The following ETFB variants were observed in gnomAD, a reference collection of about 807,000 sequenced individuals.
ETFB encodes the protein beta-ETF.
A neutral mutation model predicts 25.6 loss-of-function variants in ETFB; 20 were observed. That is an observed-to-expected ratio of 0.78 (90% CI 0.55 to 1.14). The LOEUF (loss-of-function observed/expected upper bound fraction) is 1.14, where lower values mean the gene tolerates loss of function less well. ETFB is among the 50% of genes most tolerant of loss of function. The pLI, the probability that ETFB is intolerant of heterozygous loss-of-function variation, is 0.00. For missense variants in ETFB, 286 were observed against 342.6 expected (o/e 0.83, Z 1.30); for synonymous variants, 142 against 146.7 (o/e 0.97, Z 0.23).
intron 1 of ETFB, among the ~76,000 whole-genome samples, chr19:51,363,497 G>C (rs1968240): frequency 0.3 from 45,934 of 151,796 alleles, 7,223 homozygotes; most frequent in South Asian, 0.46. Flanking sequence ...CACCCAGGCT[G>C]GAGTACAGGG....
rs769668781 is a variant in ETFB, at chr19:51,345,277, C to T, written c.702G>A (p.Thr234=). ...VISVEDPPQR[T]AGVKVETTED... The stretch of plus-strand genomic sequence containing the variant: ...CAGTGGTCTCCACCTTGACGCCGGC[C>T]GTGCGCTGGGGCGGGTCCTCCACAC... The change falls in exon 6 of 6, where the codon ACG becomes ACA. Residue 234 remains threonine, a synonymous_variant. Transcript: ENST00000309244. 13 of 1,614,062 alleles carry T rather than the reference C, an allele frequency of 8.1e-6. No homozygotes were observed. The highest frequency in any genetic ancestry group is 2.2e-5 in the South Asian group (2 of 91,086).
At chr19:51,362,395 T>C (rs1448284117) in intron 1 of ETFB, among the ~76,000 whole-genome samples, 2 of 151,942 alleles carry the variant, frequency 1.3e-5, no homozygotes, top group Non-Finnish European at 2.9e-5. Context: ...CTGGCTAACA[T>C]AGCAAAACCT....
intron 3 of ETFB, among the ~76,000 whole-genome samples, chr19:51,352,695 T>C (rs1985959167): frequency 6.6e-6 from 1 of 152,154 alleles, no homozygotes; most frequent in Non-Finnish European, 1.5e-5. Flanking sequence ...TGGTGCGATC[T>C]TGTATCACTG....
chr19:51,346,787 G>A, intron 5 of ETFB, 113 bp downstream of exon 5: 1 of 1,075,164 alleles, frequency 9.3e-7, no homozygotes, highest in Non-Finnish European at 1.3e-6. Context: ...GGCTTCCTGT[G>A]CACGAGACCT....
intron 1 of ETFB, among the ~76,000 whole-genome samples, chr19:51,360,733 G>C (rs1481080876): frequency 6.6e-6 from 1 of 152,020 alleles, no homozygotes; most frequent in Admixed American, 6.6e-5. Flanking sequence ...GCAGGCAAGA[G>C]GGATTTTCTT....
chr19:51,352,908 G>T (rs1261979459), intron 3 of ETFB, among the ~76,000 whole-genome samples: 1 of 152,178 alleles, frequency 6.6e-6, no homozygotes, highest in Non-Finnish European at 1.5e-5. Flanking sequence ...GATTACAGGC[G>T]TAAACCACCG....
intron 1 of ETFB, chr19:51,354,691 C>G: frequency 3.1e-6 from 5 of 1,599,606 alleles, no homozygotes; most frequent in Non-Finnish European, 4.3e-6. Flanking sequence ...TACATAAATA[C>G]AAATGAGGAG....
intron 1 of ETFB, among the ~76,000 whole-genome samples, chr19:51,362,709 T>A (rs1986261899): frequency 6.6e-6 from 1 of 152,132 alleles, no homozygotes; most frequent in South Asian, 2.1e-4. Context: ...CTTAGAGTGG[T>A]GAAGCAATTT....
chr19:51,353,204 G>A lies in ETFB; in HGVS notation c.303C>T (p.Pro101=), dbSNP rs1284723489. The A allele has an allele frequency of 6.2e-7, 1 of 1,614,124 alleles. No homozygotes were observed. The highest frequency in any genetic ancestry group is 1.1e-5 in the South Asian group (1 of 91,088). ...TGGCCAGGACCCGAGCCACCTGCAGGGGACCCAAGCGTTCTGCTTCTGCTG... is the reference window on the plus strand; with the variant it reads ...TGGCCAGGACCCGAGCCACCTGCAGAGGACCCAAGCGTTCTGCTTCTGCTG... ...VPPAEAERLG[P]LQVARVLAKL... The change falls in exon 3 of 6, where the codon CCC becomes CCT. Residue 101 remains proline, a synonymous_variant. Coordinates refer to ENST00000309244, the MANE Select transcript of ETFB (RefSeq NM_001985.3).
intron 4 of ETFB, chr19:51,348,170 C>A (rs1985842882): frequency 6.6e-6 from 1 of 152,196 alleles, no homozygotes; most frequent in Admixed American, 6.5e-5. Context: ...AATCCCAGCA[C>A]TTTGAGGGGC....
chr19:51,364,917 G>A (rs537039153), intron 1 of ETFB, among the ~76,000 whole-genome samples: 8 of 152,280 alleles, frequency 5.3e-5, no homozygotes, highest in South Asian at 4.1e-4. Flanking sequence ...GGCCAGGCAC[G>A]GTGGCTCACA....
rs1379862737 is a variant in ETFB, at chr19:51,354,323, G to T, written c.58-15C>A. The T allele has an allele frequency of 6.2e-7, 1 of 1,614,174 alleles. No homozygotes were observed. Among genetic ancestry groups the T allele is most frequent in the South Asian group, 1.1e-5 (1 of 91,084 alleles). On this transcript the variant is annotated splice_polypyrimidine_tract_variant and intron_variant, in intron 1 of 5. Transcript: ENST00000309244. ...TTCACTCGGATCTGCCCAGCAGGAG[G>T]GGAAGGGGTGGGGTCAGGAGGAAAC...
chr19:51,364,837 T>A (rs1986313971), intron 1 of ETFB, among the ~76,000 whole-genome samples: 2 of 152,192 alleles, frequency 1.3e-5, no homozygotes, highest in Admixed American at 1.3e-4. Flanking sequence ...ACTCTGCCAC[T>A]TACTGGCTGG....
At chr19:51,354,895 A>C (rs1986039107) in intron 1 of ETFB, 6 of 463,070 alleles carry the variant, frequency 1.3e-5, no homozygotes, top group South Asian at 1.1e-4. Flanking sequence ...AGGCACGTAC[A>C]TGGTGGTCTC....
At chr19:51,363,177 A>G (rs1397590845) in intron 1 of ETFB, among the ~76,000 whole-genome samples, 1 of 152,154 alleles carries the variant, frequency 6.6e-6, no homozygotes, top group Non-Finnish European at 1.5e-5. Context: ...ATGTTTGAAA[A>G]GGAGGTGAAA....
In ETFB at chr19:51,350,618, G is replaced by A. The variant is rs2042292; in HGVS notation, c.376-227C>T. 0.87 allele frequency among the ~76,000 whole-genome samples: 132,305 copies of A among 152,136 alleles called. 58,095 individuals carry two copies. Among genetic ancestry groups the A allele is most frequent in the African/African-American group, 0.94 (39,227 of 41,524 alleles). On this transcript the variant is annotated intron_variant, in intron 3 of 5. Transcript: ENST00000309244. ...TCCTGCCTCAGCCTCCTGAGTAGCT[G>A]GGATTACAGGCACCCAACACCACGC...
intron 4 of ETFB, among the ~76,000 whole-genome samples, chr19:51,349,162 A>G (rs1985868927): frequency 6.6e-6 from 1 of 152,190 alleles, no homozygotes; most frequent in Non-Finnish European, 1.5e-5. Context: ...GGCTAACGTT[A>G]AGTGTTGTGA....
intron 1 of ETFB, among the ~76,000 whole-genome samples, chr19:51,363,727 G>A (rs1048361352): frequency 6.6e-6 from 1 of 152,148 alleles, no homozygotes; most frequent in African/African-American, 2.4e-5. Context: ...GGGATTAGAG[G>A]TGTGAGCCAC....
chr19:51,364,472 TC>T (rs2123616809), intron 1 of ETFB, among the ~76,000 whole-genome samples: 1 of 152,254 alleles, frequency 6.6e-6, no homozygotes. Flanking sequence ...ACCAGAGACA[TC>T]CATGTGCCAG....
Sources: gnomAD v4.1 joint callset for allele counts (sites outside exome capture counted in the v4.1 genomes callset) on GRCh38, gnomAD v4.1.1 for gene constraint, MANE v1.5 for transcripts, NCBI Gene and HGNC (gene_info 2026-07-23, HGNC 2026-07-21) for gene names.